EPB41L2: variants seen among roughly 807,000 people sequenced by gnomAD.
EPB41L2 encodes erythrocyte membrane protein band 4.1 like 2, also known as band 4.1-like protein 2.
In EPB41L2, 43 loss-of-function variants were observed where a neutral mutation model predicts 113.0. That is an observed-to-expected ratio of 0.38 (90% CI 0.30 to 0.49). The LOEUF is 0.49. Ranked by LOEUF, EPB41L2 falls within the 20% of genes least tolerant of loss-of-function variation. EPB41L2 has a pLI of 0.95. For synonymous variants in EPB41L2, 442 were observed against 436.7 expected (o/e 1.01, Z -0.15); for missense variants, 1,147 against 1,223.4 (o/e 0.94, Z 0.93).
chr6:130,880,877 G>GT (rs1350532972), intron 12 of EPB41L2: 2 of 185,198 alleles, frequency 1.1e-5, no homozygotes, highest in Non-Finnish European at 2.2e-5. Flanking sequence ...TGTAAAATTC[G>GT]TTTTTAGCTT....
At chr6:130,942,533 AGT>A (rs1811222140) in intron 3 of EPB41L2, among the ~76,000 whole-genome samples, 1 of 152,206 alleles carries the variant, frequency 6.6e-6, no homozygotes, top group African/African-American at 2.4e-5. Context: ...TGCATGAGAG[AGT>A]GTAATTAGAT....
At chr6:130,936,165 G>C (rs1808718720) in intron 3 of EPB41L2, among the ~76,000 whole-genome samples, 1 of 152,224 alleles carries the variant, frequency 6.6e-6, no homozygotes, top group Non-Finnish European at 1.5e-5. Flanking sequence ...TAATGGAATA[G>C]TATTCTAGCT....
intron 18 of EPB41L2, among the ~76,000 whole-genome samples, chr6:130,863,244 G>C (rs1782705683): frequency 6.6e-6 from 1 of 152,150 alleles, no homozygotes; most frequent in African/African-American, 2.4e-5. Context: ...AAATATACTT[G>C]AAAAGTTCCT....
chr6:130,937,821 G>GAAAAAAAAAAAAAAA (rs66505919), intron 3 of EPB41L2, among the ~76,000 whole-genome samples: 1 of 129,818 alleles, frequency 7.7e-6, no homozygotes, highest in Non-Finnish European at 1.6e-5. Flanking sequence ...ATCTCAAAAA[G>GAAAAAAAAAAAAAAA]AAAAAAAAAA....
Position 130,880,188 on chromosome 6 carries a change from C to T in EPB41L2, c.1852G>A (p.Glu618Lys), listed in dbSNP as rs1788837724. 1 of 1,609,782 alleles carries T rather than the reference C, an allele frequency of 6.2e-7. No individual in the cohort carries two copies. The highest frequency in any genetic ancestry group is 1.3e-5 in the African/African-American group (1 of 74,824). The stretch of plus-strand genomic sequence containing the variant: ...TGTCTGACATAAATATTATCCCCTT[C>T]TACTCTCAAGGAATTTTTCTGTGAA... The part of the protein sequence containing the change: ...IEGKKNSLRV[E>K]GDNIYVRHSN... Residue 618 changes from glutamate to lysine, a missense_variant, in exon 13 of 20, where the codon GAA (glutamate) becomes AAA (lysine). Coordinates refer to ENST00000337057, the MANE Select transcript of EPB41L2 (RefSeq NM_001431.4).
intron 14 of EPB41L2, chr6:130,872,388 A>C: frequency 7.8e-7 from 1 of 1,288,534 alleles, no homozygotes; most frequent in Non-Finnish European, 1.0e-6. Flanking sequence ...AAGTGTGAGA[A>C]GGGCGAGGAA....
intron 1 of EPB41L2, among the ~76,000 whole-genome samples, chr6:131,008,739 C>T (rs944375893): frequency 2.0e-5 from 3 of 152,210 alleles, no homozygotes; most frequent in African/African-American, 7.2e-5. Flanking sequence ...GACATGGAGT[C>T]AAAGGAGATC....
intron 1 of EPB41L2, among the ~76,000 whole-genome samples, chr6:131,029,585 C>A (rs1791639028): frequency 6.6e-6 from 1 of 152,138 alleles, no homozygotes; most frequent in Admixed American, 6.5e-5. Context: ...TATTTTTAAA[C>A]TGCCAAATTA....
chr6:131,002,785 C>T (rs971783757), intron 1 of EPB41L2, among the ~76,000 whole-genome samples: 1 of 152,206 alleles, frequency 6.6e-6, no homozygotes, highest in African/African-American at 2.4e-5. Flanking sequence ...CAAACTTCTT[C>T]CAATCGCTTG....
chr6:130,876,741 G>T (rs950690695), intron 14 of EPB41L2: 1 of 1,303,874 alleles, frequency 7.7e-7, no homozygotes, highest in African/African-American at 1.5e-5. Flanking sequence ...CTCCTTCACG[G>T]ATAAAATATC....
intron 14 of EPB41L2, 102 bp downstream of exon 14, chr6:130,878,002 G>T: frequency 1.7e-6 from 2 of 1,170,706 alleles, no homozygotes; most frequent in Non-Finnish European, 2.3e-6. Flanking sequence ...TAATTAAATG[G>T]GAACATTTTG....
chr6:130,869,672 G>T lies in EPB41L2; in HGVS notation c.2498C>A (p.Ala833Asp). 6.2e-7 allele frequency: 1 copy of T among 1,614,148 alleles called. No homozygotes were observed. Among genetic ancestry groups the T allele is most frequent in the Non-Finnish European group, 8.5e-7 (1 of 1,180,034 alleles). ...IPGEKSVHEGALKQDMGEEAE... is the reference protein window; with the variant it reads ...IPGEKSVHEGDLKQDMGEEAE... ...TTCTTCTCCCATGTCTTGCTTAAGA[G>T]CGCCTTCGTGTACACTCTTCTCTCC... Residue 833 changes from alanine to aspartate, a missense_variant, in exon 15 of 20, where the codon GCT becomes GAT. Ala to Asp is a moderately radical substitution (Grantham distance 126, BLOSUM62 -2). Coordinates refer to ENST00000337057, the MANE Select transcript of EPB41L2 (RefSeq NM_001431.4).
intron 1 of EPB41L2, among the ~76,000 whole-genome samples, chr6:130,984,225 C>T (rs181950668): frequency 3.3e-5 from 5 of 152,244 alleles, no homozygotes; most frequent in African/African-American, 9.6e-5. Flanking sequence ...TTCTCAAATA[C>T]CTGCTGAAGG....
intron 3 of EPB41L2, among the ~76,000 whole-genome samples, chr6:130,929,715 T>C (rs9321257): frequency 0.43 from 64,743 of 151,966 alleles, 16,257 homozygotes; most frequent in Non-Finnish European, 0.54. Context: ...CCTGGCCCAA[T>C]TGGCTCAAAG....
chr6:130,956,135 G>T lies in EPB41L2; in HGVS notation c.351C>A (p.Pro117=). ...VEEQVLDKEE[P]LPEEQRQAKG... ...TAGCCTGTCTCTGTTCTTCTGGAAGGGGTTCCTCTTTATCTAAGACCTGTT... is the reference window on the plus strand; with the variant it reads ...TAGCCTGTCTCTGTTCTTCTGGAAGTGGTTCCTCTTTATCTAAGACCTGTT... The change falls in exon 2 of 20, where the codon CCC becomes CCA. Residue 117 remains proline (P), a synonymous_variant. Transcript: ENST00000337057. 2 of 1,614,052 alleles carry T rather than the reference G, an allele frequency of 1.2e-6. No homozygotes were observed. Among genetic ancestry groups the T allele is most frequent in the Non-Finnish European group, 1.7e-6 (2 of 1,180,016 alleles).
intron 3 of EPB41L2, among the ~76,000 whole-genome samples, chr6:130,945,825 T>C (rs1361926979): frequency 6.6e-6 from 1 of 152,108 alleles, no homozygotes; most frequent in African/African-American, 2.4e-5. Flanking sequence ...ATTGTTTTTT[T>C]CCCCCGCTTA....
chr6:130,921,230 T>A (rs909874578), intron 4 of EPB41L2, among the ~76,000 whole-genome samples: 2 of 152,154 alleles, frequency 1.3e-5, no homozygotes, highest in Non-Finnish European at 1.5e-5. Context: ...CTCCACACCA[T>A]CAACAGGTTC....
intron 1 of EPB41L2, among the ~76,000 whole-genome samples, chr6:131,054,038 T>C (rs1354146642): frequency 6.6e-6 from 1 of 152,202 alleles, no homozygotes; most frequent in Non-Finnish European, 1.5e-5. Context: ...TATCCCCATG[T>C]CATGAGGGTT....
At chr6:130,934,791 G>C (rs917830987) in intron 3 of EPB41L2, among the ~76,000 whole-genome samples, 1 of 119,824 alleles carries the variant, frequency 8.3e-6, no homozygotes, top group Non-Finnish European at 1.7e-5. Context: ...CTTTCTTTTT[G>C]TTTTCTTTTT....
Sources: allele counts gnomAD v4.1 joint callset (sites outside exome capture counted in the v4.1 genomes callset), GRCh38; gene constraint gnomAD v4.1.1; transcripts MANE v1.5; gene names NCBI Gene and HGNC (gene_info 2026-07-23, HGNC 2026-07-21).